Variants in SERGEF observed in about 807,000 individuals in gnomAD.
SERGEF encodes secretion-regulating guanine nucleotide exchange factor.
SERGEF carries 51 observed loss-of-function variants against 50.0 expected under a neutral mutation model. The observed-to-expected ratio is 1.02, with a 90% confidence interval of 0.81 to 1.29. The LOEUF (loss-of-function observed/expected upper bound fraction) is 1.29, where lower values mean the gene tolerates loss of function less well. Ranked by LOEUF, SERGEF falls within the 50% of genes most tolerant of loss-of-function variation. SERGEF has a pLI of 0.00. For missense variants in SERGEF, 521 were observed against 557.0 expected (o/e 0.94, Z 0.65); for synonymous variants, 205 against 212.4 (o/e 0.97, Z 0.30).
At chr11:17,948,305 AG>A (rs758758855) in intron 9 of SERGEF, among the ~76,000 whole-genome samples, 5 of 152,226 alleles carry the variant, frequency 3.3e-5, no homozygotes, top group Non-Finnish European at 7.4e-5. Context: ...CAACTTACAA[AG>A]CTAAATCCAA....
chr11:17,846,248 C>T (rs530660897), intron 10 of SERGEF, among the ~76,000 whole-genome samples: 14 of 152,312 alleles, frequency 9.2e-5, no homozygotes, highest in African/African-American at 3.4e-4. Context: ...ATTCTGTTAA[C>T]AAGCTCATGT....
chr11:17,999,240 A>G (rs2531958), intron 5 of SERGEF, among the ~76,000 whole-genome samples: 35,067 of 152,068 alleles, frequency 0.23, 4,578 homozygotes, highest in African/African-American at 0.35. Flanking sequence ...AGGCAACAGG[A>G]AGGATTCCTG....
chr11:17,892,214 T>C (rs146270341), intron 9 of SERGEF, among the ~76,000 whole-genome samples: 26 of 152,350 alleles, frequency 1.7e-4, no homozygotes, highest in Admixed American at 9.8e-4. Flanking sequence ...TCCTTTGCCA[T>C]GAATTGCCTT....
At chr11:17,880,358 G>A (rs1851314036) in intron 9 of SERGEF, among the ~76,000 whole-genome samples, 1 of 152,162 alleles carries the variant, frequency 6.6e-6, no homozygotes, top group Non-Finnish European at 1.5e-5. Flanking sequence ...AAGATATTTC[G>A]ATTGAAGAAC....
chr11:17,896,860 A>C, intron 9 of SERGEF, among the ~76,000 whole-genome samples: 1 of 2,602 alleles, frequency 3.8e-4, no homozygotes, highest in South Asian at 0.023. Context: ...GGGTAAGGGA[A>C]GGGAAGGGAA....
chr11:17,985,771 C>T (rs965236726), intron 8 of SERGEF, among the ~76,000 whole-genome samples: 45 of 152,236 alleles, frequency 3.0e-4, no homozygotes, highest in African/African-American at 9.9e-4. Context: ...GATTCCCATA[C>T]AGACAATCTA....
At chr11:17,904,057 G>A (rs921001351) in intron 9 of SERGEF, among the ~76,000 whole-genome samples, 1 of 152,234 alleles carries the variant, frequency 6.6e-6, no homozygotes, top group Admixed American at 6.5e-5. Flanking sequence ...AGGGCCAGGG[G>A]AGTATATGCA....
At chr11:17,805,971 T>C (rs1849752644) in intron 10 of SERGEF, among the ~76,000 whole-genome samples, 1 of 152,204 alleles carries the variant, frequency 6.6e-6, no homozygotes, top group Admixed American at 6.5e-5. Context: ...CCATTTGTCC[T>C]TCAAGAAACC....
intron 10 of SERGEF, among the ~76,000 whole-genome samples, chr11:17,865,271 C>A (rs918565126): frequency 2.0e-5 from 3 of 152,146 alleles, no homozygotes; most frequent in African/African-American, 7.2e-5. Flanking sequence ...TAAAAGTCTA[C>A]CACATACAAT....
At chr11:17,809,917 A>G (rs985216405) in intron 10 of SERGEF, among the ~76,000 whole-genome samples, 4 of 152,168 alleles carry the variant, frequency 2.6e-5, no homozygotes, top group Admixed American at 6.5e-5. Flanking sequence ...TTTGGGGAGG[A>G]ACAGACCATG....
chr11:17,824,068 G>A (rs1019687348), intron 10 of SERGEF, among the ~76,000 whole-genome samples: 3 of 152,130 alleles, frequency 2.0e-5, no homozygotes, highest in Non-Finnish European at 2.9e-5. Context: ...TTGGGAGGCC[G>A]AGGCGGGCGG....
At chr11:17,896,510 T>G (rs1590183194) in intron 9 of SERGEF, among the ~76,000 whole-genome samples, 1 of 145,498 alleles carries the variant, frequency 6.9e-6, no homozygotes, top group Non-Finnish European at 1.5e-5. Context: ...AAAAAATGAG[T>G]GTTTTCAGTC....
At chr11:18,009,387 G>C (rs553474126) in intron 1 of SERGEF, among the ~76,000 whole-genome samples, 1 of 152,052 alleles carries the variant, frequency 6.6e-6, no homozygotes, top group South Asian at 2.1e-4. Context: ...GACAGCACAG[G>C]GGTTCCTTCT....
At chr11:17,869,585 G>A (rs1351605958) in intron 10 of SERGEF, among the ~76,000 whole-genome samples, 1 of 152,154 alleles carries the variant, frequency 6.6e-6, no homozygotes, top group Non-Finnish European at 1.5e-5. Flanking sequence ...GGCAAAAGGG[G>A]TGAACAAGCT....
At position 17,931,933 on chromosome 11, in the gene SERGEF, T is replaced by C. The variant is rs1852360125; in HGVS notation, c.1011+27537A>G. On this transcript the variant is annotated intron_variant, in intron 9 of 10. Transcript: ENST00000265965. ...GTTTGAGAGTCACTGCCCTAAAGCA[T>C]CCAAACTGCTGCATGTTTGCAGTAA... Among the ~76,000 whole-genome samples the C allele has an allele frequency of 2.0e-5, 3 of 152,152 alleles. No individual in the cohort carries two copies. The South Asian group carries it at 6.2e-4, about 32-fold the overall frequency.
At chr11:17,990,473 C>A (rs1225882640) in intron 7 of SERGEF, among the ~76,000 whole-genome samples, 2 of 152,082 alleles carry the variant, frequency 1.3e-5, no homozygotes, top group Non-Finnish European at 2.9e-5. Flanking sequence ...GCAAAGAAGC[C>A]CCCTCAGCAA....
intron 10 of SERGEF, among the ~76,000 whole-genome samples, chr11:17,845,275 G>T (rs1443131197): frequency 2.0e-5 from 3 of 152,082 alleles, no homozygotes; most frequent in Non-Finnish European, 4.4e-5. Context: ...ATTTACCTTT[G>T]GGGGCTCAGC....
At chr11:17,832,058 C>A (rs34920707) in intron 10 of SERGEF, among the ~76,000 whole-genome samples, 6 of 152,220 alleles carry the variant, frequency 3.9e-5, no homozygotes, top group African/African-American at 9.6e-5. Context: ...AGCTCCAGCA[C>A]CATCATTAAC....
intron 9 of SERGEF, among the ~76,000 whole-genome samples, chr11:17,930,771 C>T (rs750247001): frequency 1.2e-4 from 18 of 152,174 alleles, no homozygotes; most frequent in Non-Finnish European, 1.8e-4. Flanking sequence ...CAAGAGTTTC[C>T]CTTATTCAGG....
Sources: gnomAD v4.1 joint callset for allele counts (sites outside exome capture counted in the v4.1 genomes callset) on GRCh38, gnomAD v4.1.1 for gene constraint, MANE v1.5 for transcripts, NCBI Gene and HGNC (gene_info 2026-07-23, HGNC 2026-07-21) for gene names.